CSF1: variants seen among roughly 807,000 people sequenced by gnomAD.
The protein encoded by CSF1 is colony stimulating factor 1.
Under a neutral mutation model 48.9 loss-of-function variants are expected in CSF1, and 9 were observed. The observed-to-expected ratio is 0.18, with a 90% CI of 0.11 to 0.32. The LOEUF (loss-of-function observed/expected upper bound fraction) is 0.32, where lower values mean the gene tolerates loss of function less well. Ranked by LOEUF, CSF1 falls within the 10% of genes least tolerant of loss-of-function variation. The pLI is 1.00. For synonymous variants in CSF1, 305 were observed against 284.1 expected, an observed-to-expected ratio of 1.07 and a Z score of -0.74; for missense variants, 672 against 697.9, an observed-to-expected ratio of 0.96 and a Z score of 0.42.
intron 8 of CSF1, among the ~76,000 whole-genome samples, chr1:109,927,832 A>G (rs899301339): frequency 1.3e-5 from 2 of 152,362 alleles, no homozygotes; most frequent in Non-Finnish European, 2.9e-5. Context: ...CAGAAAATGC[A>G]GACACCAGCA....
rs192224558 is a variant in CSF1, at chr1:109,917,498, G to A, written c.396+35G>A. 3.5e-4 allele frequency: 569 copies of A among 1,606,470 alleles called. 2 individuals carry two copies. In the African/African-American group the frequency reaches 6.5e-3, roughly 18 times the overall value. The stretch of plus-strand genomic sequence containing the variant: ...CCTGAGGCCTGGAGCACTGAGTGAG[G>A]GCAGAGGGTGGCTGTGGAGGCGCCG... On this transcript the variant is annotated intron_variant, in intron 4 of 8. Transcript: ENST00000329608.
chr1:109,920,329 G>A (rs772675842), intron 4 of CSF1, among the ~76,000 whole-genome samples: 34 of 152,080 alleles, frequency 2.2e-4, no homozygotes, highest in Admixed American at 3.9e-4. Context: ...GTGCAGTAGT[G>A]CCATCTCAGC....
In CSF1 at chr1:109,923,773, C is replaced by A. The variant is rs757944487; in HGVS notation, c.1152C>A (p.Pro384=). The A allele has an allele frequency of 6.2e-6, 10 of 1,608,430 alleles. No homozygotes were observed. Among genetic ancestry groups the A allele is most frequent in the South Asian group, 3.3e-5 (3 of 90,286 alleles). ...RPTGQDWNHT[P]QKTDHPSALL... is the part of the protein sequence containing the mutation. ...CTGGCCAGGACTGGAATCACACCCC[C>A]CAGAAGACAGACCATCCATCTGCCC... Residue 384 remains proline, a synonymous_variant, in exon 6 of 9, where the codon CCC becomes CCA. Coordinates refer to ENST00000329608, the MANE Select transcript of CSF1 (RefSeq NM_000757.6).
In CSF1 at chr1:109,925,220, A is replaced by C; in HGVS notation, c.*13+18A>C. ...ATTCTAAGGTAAGATTCTGACTTTG[A>C]TCTCCACTCCTAAAACTTACCTATA... On this transcript the variant is annotated intron_variant, in intron 8 of 8. Transcript: ENST00000329608. The C allele has an allele frequency of 6.2e-7, 1 of 1,609,634 alleles. No individual in the cohort carries two copies. The highest frequency in any genetic ancestry group is 8.5e-7 in the Non-Finnish European group (1 of 1,176,190).
chr1:109,924,234 AG>A, intron 6 of CSF1, 44 bp downstream of exon 6: 14 of 1,529,716 alleles, frequency 9.2e-6, no homozygotes, highest in Non-Finnish European at 1.2e-5. Context: ...CCCTTAGGGC[AG>A]GGGCAGAGCC....
At position 109,918,495 on chromosome 1, in the gene CSF1, C is replaced by T. The variant is rs899981523; in HGVS notation, c.396+1032C>T. On this transcript the variant is annotated intron_variant, in intron 4 of 8. Coordinates refer to ENST00000329608, the MANE Select transcript of CSF1 (RefSeq NM_000757.6). ...AGAAGGTGTGAGTCCAGGCTAGACA[C>T]ATTGGCGGCTTGGACCAAGGTGGGA... 1.2e-4 allele frequency among the ~76,000 whole-genome samples: 18 copies of T among 152,302 alleles called. No individual in the cohort carries two copies. In the East Asian group the frequency reaches 3.1e-3, roughly 26 times the overall value.
At position 109,924,120 on chromosome 1, in the gene CSF1, T is replaced by G; in HGVS notation, c.1499T>G (p.Leu500Arg). The G allele has an allele frequency of 6.2e-7, 1 of 1,614,172 alleles. No individual in the cohort carries two copies. Residue 500 changes from leucine (L) to arginine (R), a missense_variant, in exon 6 of 9, where the codon CTG (leucine) becomes CGG (arginine). Physicochemically the swap from Leu to Arg is moderately radical, Grantham distance 102 (BLOSUM62 -2). This residue lies in a region of CSF1 where 591 missense variants were observed against 593.6 expected (regional missense o/e 1.00). Coordinates refer to ENST00000329608, the MANE Select transcript of CSF1 (RefSeq NM_000757.6). The part of the protein sequence containing the change: ...SPQLQESVFH[L>R]LVPSVILVLL... The stretch of plus-strand genomic sequence containing the variant: ...CAGCTCCAGGAGTCTGTCTTCCACC[T>G]GCTGGTGCCCAGTGTCATCCTGGTC...
intron 6 of CSF1, among the ~76,000 whole-genome samples, chr1:109,924,525 G>A (rs570568831): frequency 6.6e-6 from 1 of 152,158 alleles, no homozygotes; most frequent in East Asian, 1.9e-4. Context: ...TACACTGGAA[G>A]CTCTGCAGAG....
Position 109,929,334 on chromosome 1 carries a change from G to C in CSF1, c.*496G>C, listed in dbSNP as rs570785503. The C allele has an allele frequency of 2.6e-5, 4 of 152,894 alleles. No homozygotes were observed. Among genetic ancestry groups the C allele is most frequent in the African/African-American group, 9.6e-5 (4 of 41,588 alleles). The allele number at this position is 152,894 out of a possible 1,614,324, so 9.5% of individuals were successfully genotyped here. A position where few individuals can be genotyped will look rare whatever the true frequency, so the allele number is the denominator to read the frequency against. On this transcript the variant is annotated 3_prime_UTR_variant, in exon 9 of 9. Transcript: ENST00000329608. ...CTCCAGAGAGAGGAGCCTGAAGTTC[G>C]TGGGGCGGGACAGCGTCGGCCTGAT...
chr1:109,912,972 C>T (rs983987375), intron 1 of CSF1, among the ~76,000 whole-genome samples: 2 of 152,178 alleles, frequency 1.3e-5, no homozygotes, highest in Non-Finnish European at 2.9e-5. Context: ...CCTTCCATGG[C>T]TCCCACCCCT....
chr1:109,915,363 C>T (rs1262127023), intron 2 of CSF1, among the ~76,000 whole-genome samples: 1 of 152,200 alleles, frequency 6.6e-6, no homozygotes, highest in Non-Finnish European at 1.5e-5. Context: ...CTTCTATAGA[C>T]ATCTCTTCCT....
At chr1:109,922,727 C>A (rs1024840355) in intron 5 of CSF1, among the ~76,000 whole-genome samples, 1 of 93,610 alleles carries the variant, frequency 1.1e-5, no homozygotes, top group African/African-American at 4.9e-5. Context: ...CTGCCTGTGG[C>A]TGTGGCTGTG....
At chr1:109,920,793 C>G (rs1388047331) in intron 4 of CSF1, among the ~76,000 whole-genome samples, 1 of 152,214 alleles carries the variant, frequency 6.6e-6, no homozygotes, top group Non-Finnish European at 1.5e-5. Context: ...TGTGAGCATG[C>G]ATGGCATGGC....
chr1:109,912,191 T>C (rs1216322062), intron 1 of CSF1, among the ~76,000 whole-genome samples: 1 of 150,956 alleles, frequency 6.6e-6, no homozygotes, highest in East Asian at 1.9e-4. Context: ...GGGGAGACCA[T>C]GAGGAAAGAA....
chr1:109,921,640 A>G (rs1647547948), intron 4 of CSF1, among the ~76,000 whole-genome samples: 1 of 152,222 alleles, frequency 6.6e-6, no homozygotes, highest in African/African-American at 2.4e-5. Flanking sequence ...TGCCTGGCAC[A>G]TAAACATATG....
intron 4 of CSF1, among the ~76,000 whole-genome samples, chr1:109,921,240 C>G (rs1647522220): frequency 6.6e-6 from 1 of 152,212 alleles, no homozygotes; most frequent in African/African-American, 2.4e-5. Context: ...CCTTGCTAAC[C>G]TCTCTCCATG....
intron 3 of CSF1, 130 bp from the exon 4 acceptor site, chr1:109,917,163 A>C (rs2101644598): frequency 1.1e-6 from 1 of 891,076 alleles, no homozygotes; most frequent in South Asian, 1.6e-5. Flanking sequence ...GCATTCTCCT[A>C]GTTGCTGGCA....
intron 8 of CSF1, among the ~76,000 whole-genome samples, chr1:109,925,592 C>T (rs1647810132): frequency 6.6e-6 from 1 of 152,168 alleles, no homozygotes; most frequent in Admixed American, 6.5e-5. Flanking sequence ...CTTGGCTTGG[C>T]TGCCAAGCCC....
intron 6 of CSF1, among the ~76,000 whole-genome samples, chr1:109,924,521 G>T (rs551811454): frequency 1.3e-5 from 2 of 152,196 alleles, no homozygotes; most frequent in African/African-American, 4.8e-5. Flanking sequence ...GGCGTACACT[G>T]GAAGCTCTGC....
Sources: allele counts gnomAD v4.1 joint callset (sites outside exome capture counted in the v4.1 genomes callset), GRCh38; gene constraint gnomAD v4.1.1; regional missense constraint gnomAD v4.1.1; transcripts MANE v1.5; gene names NCBI Gene and HGNC (gene_info 2026-07-23, HGNC 2026-07-21).